VAV3: variants seen among roughly 807,000 people sequenced by gnomAD.
The protein encoded by VAV3 is guanine nucleotide exchange factor VAV3.
A neutral mutation model predicts 131.2 loss-of-function variants in VAV3; 94 were observed. That is an observed-to-expected ratio of 0.72 (90% CI 0.61 to 0.85). The LOEUF (loss-of-function observed/expected upper bound fraction) is 0.85, where lower values mean the gene tolerates loss of function less well. Ranked by LOEUF, VAV3 falls within the 40% of genes least tolerant of loss-of-function variation. The pLI, the probability that VAV3 is intolerant of heterozygous loss-of-function variation, is 0.00. For synonymous variants in VAV3, 349 were observed against 342.0 expected (o/e 1.02, Z -0.22); for missense variants, 939 against 1,002.7 (o/e 0.94, Z 0.86).
chr1:107,953,855 A>G (rs1039655988), intron 1 of VAV3, among the ~76,000 whole-genome samples: 1 of 152,194 alleles, frequency 6.6e-6, no homozygotes, highest in Non-Finnish European at 1.5e-5. Flanking sequence ...TAAATATTCC[A>G]TATTAATTGA....
At chr1:107,779,403 G>A (rs1000786507) in intron 3 of VAV3, 31 bp downstream of exon 3, 2 of 1,558,228 alleles carry the variant, frequency 1.3e-6, no homozygotes, top group Non-Finnish European at 1.7e-6. Flanking sequence ...TGAACTCAAT[G>A]GGACACATGA....
At chr1:107,592,898 G>C (rs542761344) in intron 25 of VAV3, among the ~76,000 whole-genome samples, 1 of 152,240 alleles carries the variant, frequency 6.6e-6, no homozygotes, top group African/African-American at 2.4e-5. Context: ...AGGCAGGTTT[G>C]AGATGACCAT....
chr1:107,921,815 T>C (rs1672912199), intron 1 of VAV3, among the ~76,000 whole-genome samples: 1 of 152,214 alleles, frequency 6.6e-6, no homozygotes, highest in East Asian at 1.9e-4. Context: ...ATTAAATATA[T>C]CGTTTTGATT....
chr1:107,849,565 T>C (rs774033287), intron 2 of VAV3, among the ~76,000 whole-genome samples: 15 of 152,052 alleles, frequency 9.9e-5, no homozygotes, highest in Non-Finnish European at 1.5e-4. Flanking sequence ...TTATACCTTA[T>C]ACAAAAATTA....
At position 107,732,487 on chromosome 1, in the gene VAV3, G is replaced by A. The variant is rs564098676; in HGVS notation, c.1502+16481C>T. Among the ~76,000 whole-genome samples the A allele has an allele frequency of 3.5e-3, 536 of 152,262 alleles. 1 individual carries two copies. The highest frequency in any genetic ancestry group is 6.6e-3 in the Non-Finnish European group (447 of 68,008). On this transcript the variant is annotated intron_variant, in intron 15 of 26. Coordinates refer to ENST00000370056, the MANE Select transcript of VAV3 (RefSeq NM_006113.5). Reference sequence around the variant, plus strand: ...GGGAAGCCGTGACAGACTATACCAGGAAAATCGGGACACTCCCGCCTTAAT... The same window carrying A: ...GGGAAGCCGTGACAGACTATACCAGAAAAATCGGGACACTCCCGCCTTAAT...
chr1:107,687,617 G>A (rs1260150707), intron 18 of VAV3, among the ~76,000 whole-genome samples: 1 of 152,134 alleles, frequency 6.6e-6, no homozygotes, highest in African/African-American at 2.4e-5. Context: ...TCAAGGCAAT[G>A]ATTGTCTGGG....
At chr1:107,781,601 T>C (rs1665695099) in intron 2 of VAV3, among the ~76,000 whole-genome samples, 1 of 152,180 alleles carries the variant, frequency 6.6e-6, no homozygotes, top group African/African-American at 2.4e-5. Flanking sequence ...AGGATAGTTC[T>C]AAAGGGTTAG....
At chr1:107,867,355 C>T (rs538068547) in intron 2 of VAV3, among the ~76,000 whole-genome samples, 32 of 152,214 alleles carry the variant, frequency 2.1e-4, no homozygotes, top group African/African-American at 6.5e-4. Context: ...TTGCATGGCT[C>T]GGGTACTAAA....
At chr1:107,694,200 T>A (rs1156475327) in intron 17 of VAV3, among the ~76,000 whole-genome samples, 1 of 152,170 alleles carries the variant, frequency 6.6e-6, no homozygotes, top group African/African-American at 2.4e-5. Flanking sequence ...AACAATTTAA[T>A]TCAGGCTACC....
At chr1:107,848,388 A>G (rs940510562) in intron 2 of VAV3, among the ~76,000 whole-genome samples, 4 of 152,098 alleles carry the variant, frequency 2.6e-5, no homozygotes, top group Non-Finnish European at 5.9e-5. Context: ...CGATCAAGTC[A>G]GTTTCATCCC....
At chr1:107,838,776 A>T (rs1304030874) in intron 2 of VAV3, among the ~76,000 whole-genome samples, 1 of 152,200 alleles carries the variant, frequency 6.6e-6, no homozygotes, top group Non-Finnish European at 1.5e-5. Flanking sequence ...AAATAAAAAG[A>T]ATAAAATCAT....
At chr1:107,846,864 G>GA (rs1460507635) in intron 2 of VAV3, among the ~76,000 whole-genome samples, 6 of 152,034 alleles carry the variant, frequency 3.9e-5, no homozygotes, top group Admixed American at 6.6e-5. Flanking sequence ...ACAGATCAAC[G>GA]AAACAGAAAA....
chr1:107,769,261 T>C (rs1452911222), intron 6 of VAV3, among the ~76,000 whole-genome samples: 1 of 152,200 alleles, frequency 6.6e-6, no homozygotes, highest in African/African-American at 2.4e-5. Context: ...ATTGTGCTTT[T>C]CTAGAAAAAC....
rs187308233 is a variant in VAV3 at position 107,655,933 on chromosome 1, A to G, written c.1778-13178T>C. Among the ~76,000 whole-genome samples the G allele has an allele frequency of 3.0e-3, 454 of 152,322 alleles. 1 individual carries two copies. Among genetic ancestry groups the G allele is most frequent in the African/African-American group, 0.01 (436 of 41,574 alleles). Reference sequence around the variant, plus strand: ...TACCCCATTTAGAATGGCTTTTATCAAAAAGACAGAGGATAACAAACACCA... The same window carrying G: ...TACCCCATTTAGAATGGCTTTTATCGAAAAGACAGAGGATAACAAACACCA... On this transcript the variant is annotated intron_variant, in intron 19 of 26. Transcript: ENST00000370056.
intron 2 of VAV3, among the ~76,000 whole-genome samples, chr1:107,802,215 TTTAC>T (rs1283017065): frequency 6.6e-6 from 1 of 151,982 alleles, no homozygotes; most frequent in African/African-American, 2.4e-5. Context: ...ATGCTGCAAC[TTTAC>T]TTATTCTTTT....
chr1:107,621,128 G>A (rs1448064564), intron 20 of VAV3, among the ~76,000 whole-genome samples: 1 of 149,684 alleles, frequency 6.7e-6, no homozygotes, highest in Non-Finnish European at 1.5e-5. Flanking sequence ...CACTCTTGGA[G>A]GTCCTTCAGG....
chr1:107,704,846 G>A, intron 16 of VAV3, 114 bp downstream of exon 16: 1 of 1,193,150 alleles, frequency 8.4e-7, no homozygotes, highest in Non-Finnish European at 1.2e-6. Flanking sequence ...GATCCAGACT[G>A]CTAAGGCAAA....
intron 2 of VAV3, among the ~76,000 whole-genome samples, chr1:107,865,276 C>A (rs191766119): frequency 2.6e-5 from 4 of 152,092 alleles, no homozygotes; most frequent in Admixed American, 2.6e-4. Flanking sequence ...CCAGTTGAAA[C>A]TGAGGGAATG....
intron 1 of VAV3, among the ~76,000 whole-genome samples, chr1:107,930,612 T>C (rs1029996042): frequency 1.3e-5 from 2 of 152,172 alleles, no homozygotes; most frequent in Admixed American, 6.5e-5. Flanking sequence ...AGTCAAAAAA[T>C]GTTAAAGAAC....
Sources: allele counts gnomAD v4.1 joint callset (sites outside exome capture counted in the v4.1 genomes callset), GRCh38; gene constraint gnomAD v4.1.1; transcripts MANE v1.5; gene names NCBI Gene and HGNC (gene_info 2026-07-23, HGNC 2026-07-21).